GPC5: variants seen among roughly 807,000 people sequenced by gnomAD.
The protein encoded by GPC5 is glypican-5.
In GPC5, 47 loss-of-function variants were observed where a neutral mutation model predicts 53.9. The ratio of observed to expected loss-of-function variants is 0.87; its 90% confidence interval spans 0.69 to 1.11. The LOEUF is 1.11. Among genes scored for constraint, GPC5 ranks in the 50% most tolerant of loss-of-function variants. The probability of loss-of-function intolerance (pLI) is 0.00; values close to 1 mark genes in which losing one functional copy is unlikely to be tolerated. For missense variants in GPC5, 748 were observed against 713.1 expected (o/e 1.05, Z -0.56); for synonymous variants, 286 against 263.3 (o/e 1.09, Z -0.84).
chr13:92,363,255 T>C (rs1261184272), intron 7 of GPC5, among the ~76,000 whole-genome samples: 1 of 151,614 alleles, frequency 6.6e-6, no homozygotes, highest in East Asian at 1.9e-4. Context: ...AATCTTGTAA[T>C]ACATGTGTTA....
At chr13:92,852,006 T>C (rs1373152099) in intron 7 of GPC5, among the ~76,000 whole-genome samples, 1 of 151,366 alleles carries the variant, frequency 6.6e-6, no homozygotes, top group Non-Finnish European at 1.5e-5. Flanking sequence ...CCAAAATGCA[T>C]GAAACAGAAA....
chr13:91,472,256 A>G (rs1043102676), intron 2 of GPC5, among the ~76,000 whole-genome samples: 2 of 152,108 alleles, frequency 1.3e-5, no homozygotes, highest in Non-Finnish European at 2.9e-5. Flanking sequence ...TTCAGTGTCA[A>G]TTACGGTCTT....
At chr13:92,411,325 C>T (rs953490730) in intron 7 of GPC5, among the ~76,000 whole-genome samples, 1 of 152,124 alleles carries the variant, frequency 6.6e-6, no homozygotes, top group Non-Finnish European at 1.5e-5. Context: ...GCTAAGTTTT[C>T]TCTAACATTA....
chr13:92,339,424 G>A (rs1358630164), intron 7 of GPC5, among the ~76,000 whole-genome samples: 1 of 152,038 alleles, frequency 6.6e-6, no homozygotes, highest in African/African-American at 2.4e-5. Context: ...GCCATTAAGT[G>A]CTTTGGATAA....
intron 7 of GPC5, among the ~76,000 whole-genome samples, chr13:92,787,665 T>TAAAAAAAAA (rs1278699800): frequency 3.6e-5 from 1 of 27,422 alleles, no homozygotes; most frequent in African/African-American, 2.3e-4. Flanking sequence ...ACCTCATAGC[T>TAAAAAAAAA]ACAAAAAAAA....
At chr13:91,517,474 C>T (rs1885565991) in intron 2 of GPC5, among the ~76,000 whole-genome samples, 1 of 152,208 alleles carries the variant, frequency 6.6e-6, no homozygotes, top group African/African-American at 2.4e-5. Flanking sequence ...CCATCTCAGC[C>T]TGGACCTTAT....
At chr13:91,827,355 C>T (rs959811970) in intron 5 of GPC5, among the ~76,000 whole-genome samples, 2 of 151,412 alleles carry the variant, frequency 1.3e-5, no homozygotes, top group Non-Finnish European at 1.5e-5. Context: ...TGATAAGTAT[C>T]CTCATGAAAA....
intron 7 of GPC5, among the ~76,000 whole-genome samples, chr13:92,505,946 AG>A (rs1880350793): frequency 6.6e-6 from 1 of 152,124 alleles, no homozygotes; most frequent in Non-Finnish European, 1.5e-5. Flanking sequence ...AGTGGTTGAC[AG>A]GATGTAGGAG....
At chr13:92,473,633 T>C (rs571596686) in intron 7 of GPC5, among the ~76,000 whole-genome samples, 1 of 152,278 alleles carries the variant, frequency 6.6e-6, no homozygotes, top group South Asian at 2.1e-4. Flanking sequence ...TAAAATGATG[T>C]GAATATTTAA....
At chr13:91,769,788 T>G (rs2138691798) in intron 5 of GPC5, among the ~76,000 whole-genome samples, 1 of 152,280 alleles carries the variant, frequency 6.6e-6, no homozygotes, top group East Asian at 1.9e-4. Flanking sequence ...TCTGTTTTCC[T>G]CTGTATTCAC....
intron 2 of GPC5, among the ~76,000 whole-genome samples, chr13:91,480,891 G>C (rs1485966705): frequency 6.6e-6 from 1 of 151,644 alleles, no homozygotes; most frequent in Non-Finnish European, 1.5e-5. Context: ...TAGTAGATGA[G>C]AATCCCCAAA....
At chr13:91,853,804 T>G (rs1466014560) in intron 5 of GPC5, among the ~76,000 whole-genome samples, 1 of 151,938 alleles carries the variant, frequency 6.6e-6, no homozygotes, top group Non-Finnish European at 1.5e-5. Flanking sequence ...AGATAACCAT[T>G]TCTAGGTCAT....
chr13:91,658,875 C>T (rs944398358), intron 2 of GPC5, among the ~76,000 whole-genome samples: 16 of 152,178 alleles, frequency 1.1e-4, no homozygotes, highest in Non-Finnish European at 2.4e-4. Context: ...ATCTTTAGAT[C>T]TCAGCTCATG....
At chr13:91,868,923 G>T (rs1260249460) in intron 5 of GPC5, among the ~76,000 whole-genome samples, 1 of 152,146 alleles carries the variant, frequency 6.6e-6, no homozygotes, top group East Asian at 1.9e-4. Flanking sequence ...AGACGGATGG[G>T]CCTAGGAGAA....
In GPC5 at chr13:91,915,358, A is replaced by G. The variant is rs376702697; in HGVS notation, c.1401+7301A>G. Among the ~76,000 whole-genome samples, 198 of 152,310 alleles carry G rather than the reference A, an allele frequency of 1.3e-3. 1 individual carries two copies. The highest frequency in any genetic ancestry group is 7.5e-3 in the South Asian group (36 of 4,830). ...ATTAGACATTTCATTTAAAAAAATC[A>G]ATTGTCCGCATAAAACAACCATTTC... On this transcript the variant is annotated intron_variant, in intron 6 of 7. Transcript: ENST00000377067.
intron 2 of GPC5, among the ~76,000 whole-genome samples, chr13:91,504,501 G>T (rs1884831324): frequency 6.6e-6 from 1 of 152,042 alleles, no homozygotes; most frequent in East Asian, 1.9e-4. Context: ...AAATAATAAA[G>T]AATATAGTTA....
chr13:92,610,968 A>T (rs1394766084), intron 7 of GPC5, among the ~76,000 whole-genome samples: 79 of 140,114 alleles, frequency 5.6e-4, no homozygotes, highest in Middle Eastern at 3.8e-3. Flanking sequence ...CTCAATACAT[A>T]TTTTTTTTTT....
intron 7 of GPC5, among the ~76,000 whole-genome samples, chr13:92,169,582 A>G (rs1220205291): frequency 6.6e-6 from 1 of 152,240 alleles, no homozygotes; most frequent in African/African-American, 2.4e-5. Context: ...CTTTACATAT[A>G]AAATAAACTT....
At chr13:92,858,828 A>G (rs1879091301) in intron 7 of GPC5, among the ~76,000 whole-genome samples, 1 of 152,166 alleles carries the variant, frequency 6.6e-6, no homozygotes, top group Non-Finnish European at 1.5e-5. Context: ...ATTAAAACCA[A>G]AAAAAGAATT....
Sources: allele counts gnomAD v4.1 joint callset (sites outside exome capture counted in the v4.1 genomes callset), GRCh38; gene constraint gnomAD v4.1.1; transcripts MANE v1.5; gene names NCBI Gene and HGNC (gene_info 2026-07-23, HGNC 2026-07-21).